LRRK2: variants seen among roughly 807,000 people sequenced by gnomAD.
LRRK2 encodes leucine rich repeat kinase 2, also known as leucine-rich repeat serine/threonine-protein kinase 2.
LRRK2 carries 203 observed loss-of-function variants against 302.6 expected under a neutral mutation model. The observed-to-expected ratio is 0.67, with a 90% confidence interval of 0.60 to 0.75. LRRK2 has a LOEUF of 0.75. LRRK2 is among the 30% of genes least tolerant of loss of function. LRRK2 has a pLI of 0.00. For synonymous variants in LRRK2, 1,066 were observed against 1,031.9 expected, an observed-to-expected ratio of 1.03 and a Z score of -0.63; for missense variants, 2,830 against 2,951.0, an observed-to-expected ratio of 0.96 and a Z score of 0.95.
At chr12:40,330,372 G>A (rs1663177981) in intron 39 of LRRK2, among the ~76,000 whole-genome samples, 1 of 151,948 alleles carries the variant, frequency 6.6e-6, no homozygotes, top group African/African-American at 2.4e-5. Context: ...GCCCACTGTT[G>A]CTAATGAAAA....
At chr12:40,329,683 A>T (rs970706396) in intron 39 of LRRK2, among the ~76,000 whole-genome samples, 1 of 152,130 alleles carries the variant, frequency 6.6e-6, no homozygotes, top group African/African-American at 2.4e-5. Context: ...TGTATTTATC[A>T]TCAATTTATA....
intron 31 of LRRK2, among the ~76,000 whole-genome samples, chr12:40,311,052 T>C (rs1702129212): frequency 6.6e-6 from 1 of 152,126 alleles, no homozygotes; most frequent in Non-Finnish European, 1.5e-5. Context: ...ATTTTTCCAT[T>C]TCCTCTTTTC....
intron 31 of LRRK2, among the ~76,000 whole-genome samples, chr12:40,311,635 A>G (rs1404006525): frequency 6.6e-6 from 1 of 152,174 alleles, no homozygotes; most frequent in Non-Finnish European, 1.5e-5. Context: ...CACCTTGGTT[A>G]TAACTCCATG....
At chr12:40,322,009 T>A in intron 35 of LRRK2, 26 bp from the exon 36 acceptor site, 1 of 1,612,444 alleles carries the variant, frequency 6.2e-7, no homozygotes, top group South Asian at 1.1e-5. Flanking sequence ...AGGAAGCAGT[T>A]AATAATTAAT....
chr12:40,355,467 C>G (rs1333104329), intron 45 of LRRK2, among the ~76,000 whole-genome samples: 3 of 151,742 alleles, frequency 2.0e-5, no homozygotes, highest in African/African-American at 7.3e-5. Context: ...TAGGCTCCTA[C>G]TCTCCCACAG....
intron 2 of LRRK2, among the ~76,000 whole-genome samples, chr12:40,232,068 A>G (rs1207070830): frequency 6.6e-6 from 1 of 152,044 alleles, no homozygotes; most frequent in African/African-American, 2.4e-5. Flanking sequence ...TCTTTCTGGT[A>G]TGATTTTTGG....
At chr12:40,298,927 A>ACTATAT (rs1565727388) in intron 24 of LRRK2, among the ~76,000 whole-genome samples, 182 bp from the exon 25 acceptor site, 27 of 129,214 alleles carry the variant, frequency 2.1e-4, no homozygotes, top group African/African-American at 6.6e-4. Context: ...TTATATATAT[A>ACTATAT]ATAAAAGACC....
chr12:40,275,088 C>T, intron 16 of LRRK2, 95 bp downstream of exon 16: 1 of 1,318,364 alleles, frequency 7.6e-7, no homozygotes, highest in South Asian at 1.2e-5. Context: ...ATGGGGTATT[C>T]TAGTTAATGG....
chr12:40,232,470 T>C, intron 3 of LRRK2, 87 bp downstream of exon 3: 1 of 962,250 alleles, frequency 1.0e-6, no homozygotes, highest in South Asian at 1.3e-5. Context: ...GTGTTTGCAA[T>C]CCAAGGCTAC....
chr12:40,256,032 A>G (rs1942484029), intron 11 of LRRK2, among the ~76,000 whole-genome samples: 1 of 152,186 alleles, frequency 6.6e-6, no homozygotes, highest in African/African-American at 2.4e-5. Flanking sequence ...CCACTTTCAA[A>G]GTGTTGAATC....
intron 33 of LRRK2, among the ~76,000 whole-genome samples, chr12:40,319,085 A>C (rs1945319277): frequency 6.6e-6 from 1 of 152,160 alleles, no homozygotes; most frequent in African/African-American, 2.4e-5. Context: ...TTCCTTAAAC[A>C]TTATAGATCT....
At position 40,359,219 on chromosome 12, in the gene LRRK2, A is replaced by T. The variant is rs370227184; in HGVS notation, c.6844-41A>T. 3.2e-6 allele frequency: 5 copies of T among 1,541,228 alleles called. No homozygotes were observed. The African/African-American group carries it at 6.9e-5, about 21-fold the overall frequency. Reference sequence around the variant, plus strand: ...TTTTATGGAGTTTTGTTCTGTGGATACTCAATTTGCTGAGTGTGTTTTCTT... The same window carrying T: ...TTTTATGGAGTTTTGTTCTGTGGATTCTCAATTTGCTGAGTGTGTTTTCTT... On this transcript the variant is annotated intron_variant, in intron 46 of 50. Coordinates refer to ENST00000298910, the MANE Select transcript of LRRK2 (RefSeq NM_198578.4).
intron 18 of LRRK2, among the ~76,000 whole-genome samples, chr12:40,281,964 C>A (rs1331721845): frequency 6.6e-6 from 1 of 151,992 alleles, no homozygotes; most frequent in Non-Finnish European, 1.5e-5. Flanking sequence ...AAAAAAGTTA[C>A]TGGGCTATAA....
At chr12:40,356,275 TC>T (rs1259044864) in intron 46 of LRRK2, 88 bp downstream of exon 46, 33 of 887,292 alleles carry the variant, frequency 3.7e-5, no homozygotes, top group South Asian at 3.5e-4. Context: ...GATTATAAAC[TC>T]CCTGAGAGCA....
chr12:40,299,462 T>C (rs940541663), intron 25 of LRRK2, among the ~76,000 whole-genome samples: 1 of 152,140 alleles, frequency 6.6e-6, no homozygotes, highest in Non-Finnish European at 1.5e-5. Flanking sequence ...AAATGCATAT[T>C]GGTAAGTGAA....
At chr12:40,362,286 A>C (rs902164893) in intron 47 of LRRK2, among the ~76,000 whole-genome samples, 1 of 152,066 alleles carries the variant, frequency 6.6e-6, no homozygotes, top group Non-Finnish European at 1.5e-5. Context: ...GAGGAAAAAA[A>C]ATCTTCCTAC....
At chr12:40,333,695 A>G (rs1401289580) in intron 39 of LRRK2, among the ~76,000 whole-genome samples, 1 of 149,286 alleles carries the variant, frequency 6.7e-6, no homozygotes, top group Non-Finnish European at 1.5e-5. Flanking sequence ...TGAATTGCAG[A>G]GAGATTGTTG....
At position 40,310,479 on chromosome 12, in the gene LRRK2, G is replaced by A; in HGVS notation, c.4366G>A (p.Val1456Ile). ...PVILVGTHLD[V>I]SDEKQRKACM... ...GATTCTCGTTGGCACACATTTGGAT[G>A]TTTCTGATGAGAAGCAACGCAAAGC... Residue 1456 changes from valine (V) to isoleucine (I), a missense_variant, in exon 31 of 51, where the codon GTT becomes ATT. Coordinates refer to ENST00000298910, the MANE Select transcript of LRRK2 (RefSeq NM_198578.4). The A allele has an allele frequency of 6.2e-7, 1 of 1,613,094 alleles. No individual in the cohort carries two copies. The highest frequency in any genetic ancestry group is 2.2e-5 in the East Asian group (1 of 44,878).
chr12:40,246,930 C>A (rs1942011796), intron 7 of LRRK2, among the ~76,000 whole-genome samples: 1 of 151,986 alleles, frequency 6.6e-6, no homozygotes, highest in Non-Finnish European at 1.5e-5. Context: ...TTTGTGAGGA[C>A]AACAATGCAT....
Sources: gnomAD v4.1 joint callset for allele counts (sites outside exome capture counted in the v4.1 genomes callset) on GRCh38, gnomAD v4.1.1 for gene constraint, MANE v1.5 for transcripts, NCBI Gene and HGNC (gene_info 2026-07-23, HGNC 2026-07-21) for gene names.